The following GLIS3 variants were observed in gnomAD, a reference collection of about 807,000 sequenced individuals.
The protein encoded by GLIS3 is zinc finger protein GLIS3.
Under a neutral mutation model 78.6 loss-of-function variants are expected in GLIS3, and 53 were observed. The observed-to-expected ratio is 0.67, with a 90% confidence interval of 0.54 to 0.85. GLIS3 has a LOEUF of 0.85. GLIS3 is among the 40% of genes least tolerant of loss of function. The pLI is 0.00. For missense variants in GLIS3, 1,703 were observed against 1,231.1 expected, an observed-to-expected ratio of 1.38 and a Z score of -5.74; for synonymous variants, 684 against 509.9, an observed-to-expected ratio of 1.34 and a Z score of -4.60.
At chr9:3,904,394 G>T (rs940771558) in intron 6 of GLIS3, among the ~76,000 whole-genome samples, 5 of 152,130 alleles carry the variant, frequency 3.3e-5, no homozygotes, top group Non-Finnish European at 7.3e-5. Context: ...AGAGTTTTCG[G>T]CCTGCCCTAC....
At chr9:4,359,473 C>A in the GLIS3 span, among the ~76,000 whole-genome samples, 1 of 152,128 alleles carries the variant, frequency 6.6e-6, no homozygotes, top group Admixed American at 6.5e-5. Flanking sequence ...TCAGCTGACC[C>A]CTTGGTGAGC....
Position 4,286,240 on chromosome 9 carries a change from C to A in GLIS3, c.186G>T (p.Met62Ile). 6.2e-7 allele frequency: 1 copy of A among 1,614,210 alleles called. No homozygotes were observed. Among genetic ancestry groups the A allele is most frequent in the Non-Finnish European group, 8.5e-7 (1 of 1,180,026 alleles). Residue 62 changes from methionine to isoleucine, a missense_variant, in exon 2 of 11, where the codon ATG becomes ATT. Coordinates refer to ENST00000381971, the MANE Select transcript of GLIS3 (RefSeq NM_001042413.2). ...ASLANNLHLK[M>I]PSGGGMAPQN... ...GAGGAGCCATCCCTCCTCCTGAGGG[C>A]ATCTTGAGATGGAGGTTGTTAGCAA...
the GLIS3 span, among the ~76,000 whole-genome samples, chr9:4,415,342 C>T: frequency 6.6e-6 from 1 of 152,192 alleles, no homozygotes. Context: ...GGAACCTCAA[C>T]ATTATTTTTC....
chr9:4,456,668 T>G, the GLIS3 span, among the ~76,000 whole-genome samples: 1 of 152,208 alleles, frequency 6.6e-6, no homozygotes, highest in African/African-American at 2.4e-5. Context: ...AGCTTTTAAT[T>G]TAAAGCAACT....
chr9:4,267,358 A>G (rs1260564541), intron 2 of GLIS3, among the ~76,000 whole-genome samples: 1 of 152,182 alleles, frequency 6.6e-6, no homozygotes, highest in African/African-American at 2.4e-5. Context: ...AGACAGCAGA[A>G]AAGACCATCC....
intron 8 of GLIS3, among the ~76,000 whole-genome samples, chr9:3,875,146 T>C (rs954896701): frequency 6.6e-6 from 1 of 152,168 alleles, no homozygotes; most frequent in Admixed American, 6.5e-5. Flanking sequence ...AGACGCTGAG[T>C]TCCTCTCATG....
At chr9:4,444,110 A>C in the GLIS3 span, among the ~76,000 whole-genome samples, 1 of 152,216 alleles carries the variant, frequency 6.6e-6, no homozygotes, top group Non-Finnish European at 1.5e-5. Flanking sequence ...TCAGTCATAG[A>C]AATGATGACC....
At chr9:4,169,327 C>T (rs74606097) in intron 2 of GLIS3, among the ~76,000 whole-genome samples, 5,327 of 152,256 alleles carry the variant, frequency 0.035, 117 homozygotes, top group Middle Eastern at 0.086. Context: ...AGTTTGAACA[C>T]CCTAAGAAGT....
At chr9:4,186,197 G>A (rs1349661697) in intron 2 of GLIS3, among the ~76,000 whole-genome samples, 2 of 130,954 alleles carry the variant, frequency 1.5e-5, no homozygotes, top group African/African-American at 6.0e-5. Flanking sequence ...CCCTTCCTGT[G>A]TCCACGTGTT....
At chr9:4,204,632 AT>A (rs1819692952) in intron 2 of GLIS3, among the ~76,000 whole-genome samples, 1 of 152,106 alleles carries the variant, frequency 6.6e-6, no homozygotes, top group Admixed American at 6.5e-5. Flanking sequence ...TCAAGAAGGA[AT>A]CAGGCCGGGC....
rs182663087 is a variant in GLIS3, at chr9:4,227,383, G to A, written c.388+58655C>T. ...GAAAGGAAAATTAAGAAAAGCTACC[G>A]AAGGTTTTAAAGCAGGACTTATGGA... On this transcript the variant is annotated intron_variant, in intron 2 of 10. Transcript: ENST00000381971. Among the ~76,000 whole-genome samples, 97 of 151,526 alleles carry A rather than the reference G, an allele frequency of 6.4e-4. 1 individual carries two copies. Among genetic ancestry groups the A allele is most frequent in the Non-Finnish European group, 8.4e-4 (57 of 67,922 alleles).
rs946588330 is a variant in GLIS3, at chr9:3,965,761, G to A, written c.1711-28572C>T. Among the ~76,000 whole-genome samples, 3 of 152,182 alleles carry A rather than the reference G, an allele frequency of 2.0e-5. No homozygotes were observed. The East Asian group carries it at 5.8e-4, about 29-fold the overall frequency. ...AAGACAAGCTGCAGATGTACCAGGTGATGACCCAGAGCTACTTACTGGCCA... is the reference window on the plus strand; with the variant it reads ...AAGACAAGCTGCAGATGTACCAGGTAATGACCCAGAGCTACTTACTGGCCA... On this transcript the variant is annotated intron_variant, in intron 4 of 10. Transcript: ENST00000381971.
At chr9:3,987,282 G>A (rs939552450) in intron 4 of GLIS3, among the ~76,000 whole-genome samples, 3 of 151,976 alleles carry the variant, frequency 2.0e-5, no homozygotes, top group African/African-American at 4.8e-5. Context: ...CAACAAAAAA[G>A]GCAAACATAA....
At chr9:4,211,592 G>A (rs1820379341) in intron 2 of GLIS3, among the ~76,000 whole-genome samples, 1 of 152,324 alleles carries the variant, frequency 6.6e-6, no homozygotes, top group East Asian at 1.9e-4. Flanking sequence ...GTAAAATGGT[G>A]AAGCAACTTT....
chr9:4,239,940 T>C (rs1823132220), intron 2 of GLIS3, among the ~76,000 whole-genome samples: 1 of 152,252 alleles, frequency 6.6e-6, no homozygotes, highest in African/African-American at 2.4e-5. Flanking sequence ...CTCAAACTCA[T>C]CTGCCTTATT....
intron 4 of GLIS3, among the ~76,000 whole-genome samples, chr9:3,983,868 C>G (rs535124368): frequency 1.3e-5 from 2 of 152,072 alleles, no homozygotes; most frequent in Admixed American, 1.3e-4. Context: ...CCTGAAAATG[C>G]GATAGAAAAG....
At chr9:3,997,238 C>T (rs755373568) in intron 4 of GLIS3, among the ~76,000 whole-genome samples, 20 of 152,042 alleles carry the variant, frequency 1.3e-4, no homozygotes, top group African/African-American at 4.1e-4. Flanking sequence ...CCCAGCTACT[C>T]GGGAGGCTGA....
At chr9:4,297,172 CAG>C (rs984442886) in intron 1 of GLIS3, among the ~76,000 whole-genome samples, 4 of 151,710 alleles carry the variant, frequency 2.6e-5, no homozygotes, top group African/African-American at 7.3e-5. Flanking sequence ...AGGAACAAGA[CAG>C]AGGGTGAAAC....
chr9:4,298,506 G>A (rs1419630075), intron 1 of GLIS3: 8 of 436,454 alleles, frequency 1.8e-5, no homozygotes, highest in Non-Finnish European at 3.7e-5. Context: ...TGTCGCTCGG[G>A]GCAAGGTGTG....
Sources: allele counts gnomAD v4.1 joint callset (sites outside exome capture counted in the v4.1 genomes callset), GRCh38; gene constraint gnomAD v4.1.1; transcripts MANE v1.5; gene names NCBI Gene and HGNC (gene_info 2026-07-23, HGNC 2026-07-21).